The following ABLIM2 variants were observed in gnomAD, a reference collection of about 807,000 sequenced individuals.
ABLIM2 encodes actin-binding LIM protein 2.
Under a neutral mutation model 97.7 loss-of-function variants are expected in ABLIM2, and 53 were observed. The ratio of observed to expected loss-of-function variants is 0.54; its 90% CI spans 0.44 to 0.68. The LOEUF (loss-of-function observed/expected upper bound fraction) is 0.68. ABLIM2 is among the 30% of genes least tolerant of loss of function. ABLIM2 has a pLI of 0.00. For missense variants in ABLIM2, 835 were observed against 867.2 expected (o/e 0.96, Z 0.47); for synonymous variants, 361 against 345.8 (o/e 1.04, Z -0.49).
At chr4:8,107,750 A>G (rs543068935) in intron 1 of ABLIM2, among the ~76,000 whole-genome samples, 80 of 152,340 alleles carry the variant, frequency 5.3e-4, no homozygotes, top group African/African-American at 1.9e-3. Flanking sequence ...GCTTTCTGAC[A>G]TGGCCAGAGG....
At position 7,990,842 on chromosome 4, in the gene ABLIM2, G is replaced by A. The variant is rs1387508810; in HGVS notation, c.1680+2024C>T. ...AAAGGCATAACAGTACATAAAAGTC[G>A]TAGAAAGAGTGAAACAATAGGAAAG... On this transcript the variant is annotated intron_variant, in intron 17 of 20. Coordinates refer to ENST00000447017, the MANE Select transcript of ABLIM2 (RefSeq NM_001130083.2). Among the ~76,000 whole-genome samples, 8 of 152,132 alleles carry A rather than the reference G, an allele frequency of 5.3e-5. No individual in the cohort carries two copies. The South Asian group carries it at 8.3e-4, about 16-fold the overall frequency.
At chr4:8,097,410 C>A (rs1832217880) in intron 2 of ABLIM2, 128 bp from the exon 3 acceptor site, 1 of 1,163,298 alleles carries the variant, frequency 8.6e-7, no homozygotes, top group Non-Finnish European at 1.2e-6. Flanking sequence ...TCGGCACACA[C>A]TTGGGGTGGC....
intron 3 of ABLIM2, among the ~76,000 whole-genome samples, chr4:8,093,655 T>A (rs796184154): frequency 6.6e-5 from 10 of 152,332 alleles, no homozygotes; most frequent in African/African-American, 2.4e-4. Flanking sequence ...TTGATAGATA[T>A]TTTTCTCAGC....
At position 8,128,131 on chromosome 4, in the gene ABLIM2, G is replaced by A. The variant is rs1410089780; in HGVS notation, c.11-21494C>T. ...TGCTGGTGGCTCCAGGCGCCCTTTGGTATGTGGCTTCAGGGCTCCTGTTTC... is the reference window on the plus strand; with the variant it reads ...TGCTGGTGGCTCCAGGCGCCCTTTGATATGTGGCTTCAGGGCTCCTGTTTC... On this transcript the variant is annotated intron_variant, in intron 1 of 20. Coordinates refer to ENST00000447017, the MANE Select transcript of ABLIM2 (RefSeq NM_001130083.2). The surrounding 1 kb of genome is among the most constrained non-coding windows in gnomAD (Gnocchi z 4.9). 2.0e-5 allele frequency among the ~76,000 whole-genome samples: 3 copies of A among 152,176 alleles called. No individual in the cohort carries two copies. The highest frequency in any genetic ancestry group is 3.9e-4 in the East Asian group (2 of 5,194).
At chr4:7,977,005 C>T (rs1044684094) in intron 20 of ABLIM2, among the ~76,000 whole-genome samples, 5 of 152,174 alleles carry the variant, frequency 3.3e-5, no homozygotes, top group Non-Finnish European at 7.3e-5. Flanking sequence ...GCTGTGTCCT[C>T]ACTCAAATCT....
rs534181285 is a variant in ABLIM2, at chr4:8,069,801, T to A, written c.675+7827A>T. Reference sequence around the variant, plus strand: ...TTGTCTGTGTCTCTCCGTGTGCTTGTGTGTCTCTATGTGTTGTCTGTGTGT... The same window carrying A: ...TTGTCTGTGTCTCTCCGTGTGCTTGAGTGTCTCTATGTGTTGTCTGTGTGT... On this transcript the variant is annotated intron_variant, in intron 6 of 20. Coordinates refer to ENST00000447017, the MANE Select transcript of ABLIM2 (RefSeq NM_001130083.2). The surrounding 1 kb of genome is among the most constrained non-coding windows in gnomAD (Gnocchi z 4.2). Among the ~76,000 whole-genome samples, 158 of 151,732 alleles carry A rather than the reference T, an allele frequency of 1.0e-3. No individual in the cohort carries two copies. Among genetic ancestry groups the A allele is most frequent in the Middle Eastern group, 3.2e-3 (1 of 314 alleles).
intron 1 of ABLIM2, among the ~76,000 whole-genome samples, chr4:8,121,803 G>T (rs536411557): frequency 6.6e-6 from 1 of 152,160 alleles, no homozygotes; most frequent in African/African-American, 2.4e-5. Context: ...GTGGATGGGG[G>T]GGTGATGATG....
intron 3 of ABLIM2, among the ~76,000 whole-genome samples, chr4:8,090,863 C>T (rs1323643206): frequency 1.3e-5 from 2 of 152,136 alleles, no homozygotes; most frequent in Non-Finnish European, 2.9e-5. Context: ...TAAATCACAA[C>T]AGCCATTCCA....
At chr4:7,983,526 T>C (rs369579061) in intron 19 of ABLIM2, 21 bp downstream of exon 19, 1 of 1,612,880 alleles carries the variant, frequency 6.2e-7, no homozygotes, top group Non-Finnish European at 8.5e-7. Flanking sequence ...CGGAGGTCAG[T>C]GTGGGAGCGG....
intron 3 of ABLIM2, among the ~76,000 whole-genome samples, chr4:8,091,573 ATTT>A (rs1175853693): frequency 0.22 from 11,964 of 53,896 alleles, 3,245 homozygotes; most frequent in African/African-American, 0.5. Context: ...ATTATATATA[ATTT>A]TATATAAAAT....
rs71175444 is a variant in ABLIM2 at position 7,973,075 on chromosome 4, C to CTGTGTGTGTGTGTGTGTGTG, written c.1825-5992_1825-5973dup. Reference sequence around the variant, plus strand: ...CTCCAGCAATGAGCTGCTCCCCTTGCTGTGTGTGTGTGTGTGTGTGTGTGT... The same window carrying CTGTGTGTGTGTGTGTGTGTG: ...CTCCAGCAATGAGCTGCTCCCCTTGCTGTGTGTGTGTGTGTGTGTGTGTGTGTGTGTGTGTGTGTGTGTGT... On this transcript the variant is annotated intron_variant, in intron 20 of 20. Coordinates refer to ENST00000447017, the MANE Select transcript of ABLIM2 (RefSeq NM_001130083.2). 5.4e-3 allele frequency among the ~76,000 whole-genome samples: 667 copies of CTGTGTGTGTGTGTGTGTGTG among 124,032 alleles called. 20 individuals are homozygous for CTGTGTGTGTGTGTGTGTGTG. Among genetic ancestry groups the CTGTGTGTGTGTGTGTGTGTG allele is most frequent in the South Asian group, 9.7e-3 (36 of 3,730 alleles). The allele number at this position is 124,032 out of a possible 152,430, so 81.4% of individuals were successfully genotyped here.
chr4:8,057,330 T>C (rs910029094), intron 7 of ABLIM2, among the ~76,000 whole-genome samples: 4 of 152,078 alleles, frequency 2.6e-5, no homozygotes, highest in African/African-American at 9.7e-5. Context: ...GGGTGATCCA[T>C]CCACCTCTGC....
chr4:8,059,152 G>T (rs1801276463), intron 7 of ABLIM2, among the ~76,000 whole-genome samples: 1 of 152,104 alleles, frequency 6.6e-6, no homozygotes, highest in South Asian at 2.1e-4. Context: ...TACATAGCGG[G>T]GTGGTCAGAG....
chr4:8,124,048 G>C lies in ABLIM2; in HGVS notation c.11-17411C>G, dbSNP rs1291383341. Among the ~76,000 whole-genome samples, 1 of 152,162 alleles carries C rather than the reference G, an allele frequency of 6.6e-6. No homozygotes were observed. Among genetic ancestry groups the C allele is most frequent in the Non-Finnish European group, 1.5e-5 (1 of 68,036 alleles). ...GACCACTCTTAACAGCTCAGCGGCT[G>C]CTCTACCATGTGCTTCTGTAGGCCA... On this transcript the variant is annotated intron_variant, in intron 1 of 20. Coordinates refer to ENST00000447017, the MANE Select transcript of ABLIM2 (RefSeq NM_001130083.2). This position sits in a 1 kb window ranked among gnomAD's most constrained non-coding sequence, Gnocchi z 6.1.
chr4:7,973,099 G>GTGTGTGTGTC (rs1238814553), intron 20 of ABLIM2, among the ~76,000 whole-genome samples: 1 of 151,238 alleles, frequency 6.6e-6, no homozygotes, highest in Non-Finnish European at 1.5e-5. Flanking sequence ...GTGTGTGTGT[G>GTGTGTGTGTC]TGTGTGTGTG....
Position 8,075,903 on chromosome 4 carries a change from G to A in ABLIM2, c.675+1725C>T, listed in dbSNP as rs1009137094. Among the ~76,000 whole-genome samples, 7 of 152,206 alleles carry A rather than the reference G, an allele frequency of 4.6e-5. No individual in the cohort carries two copies. Among genetic ancestry groups the A allele is most frequent in the African/African-American group, 1.7e-4 (7 of 41,452 alleles). On this transcript the variant is annotated intron_variant, in intron 6 of 20. Transcript: ENST00000447017. This position sits in a 1 kb window ranked among gnomAD's most constrained non-coding sequence, Gnocchi z 4.4. ...ATACAACATGGCACAGATGGTTTGA[G>A]ATCAACTATGATTACATGGAAAGAA... is the stretch of plus-strand genomic sequence containing the variant.
At chr4:8,141,135 G>A (rs1850918191) in intron 1 of ABLIM2, among the ~76,000 whole-genome samples, 1 of 152,100 alleles carries the variant, frequency 6.6e-6, no homozygotes, top group Non-Finnish European at 1.5e-5. Context: ...AGACAGCCCT[G>A]AGCTCAAATC....
At chr4:7,981,766 C>A (rs916340520) in intron 20 of ABLIM2, among the ~76,000 whole-genome samples, 1 of 152,182 alleles carries the variant, frequency 6.6e-6, no homozygotes, top group East Asian at 1.9e-4. Context: ...TGCAGCCTCT[C>A]GTCTGCAGAG....
chr4:7,988,095 C>T (rs1211004549), intron 17 of ABLIM2, among the ~76,000 whole-genome samples: 2 of 151,646 alleles, frequency 1.3e-5, no homozygotes, highest in Admixed American at 6.6e-5. Flanking sequence ...GTGATCTCGG[C>T]TCACTGCAAC....
Sources: allele counts gnomAD v4.1 joint callset (sites outside exome capture counted in the v4.1 genomes callset), GRCh38; gene constraint gnomAD v4.1.1; non-coding constraint Gnocchi (gnomAD v3.1); transcripts MANE v1.5; gene names NCBI Gene and HGNC (gene_info 2026-07-23, HGNC 2026-07-21).